Variants in VN1R2 observed in about 807,000 individuals in gnomAD.
The protein encoded by VN1R2 is vomeronasal 1 receptor 2.
For missense variants in VN1R2, 418 were observed against 452.4 expected (o/e 0.92, Z 0.69); for synonymous variants, 160 against 173.1 (o/e 0.92, Z 0.59).
In VN1R2 at chr19:53,259,218, C is replaced by G. The variant is rs767415221; in HGVS notation, c.843C>G (p.Ser281Arg). 6.2e-7 allele frequency: 1 copy of G among 1,614,162 alleles called. No homozygotes were observed. The highest frequency in any genetic ancestry group is 1.1e-5 in the South Asian group (1 of 91,078). ...VLCLGLMLWA[S>R]SSIVLVLYRH... The stretch of plus-strand genomic sequence containing the variant: ...GTCTGGGGCTCATGCTCTGGGCCAG[C>G]AGCTCCATCGTTTTGGTCTTGTACA... The change falls in exon 1 of 1, where the codon AGC (serine) becomes AGG (arginine). Residue 281 changes from serine (S) to arginine (R), a missense_variant. Ser to Arg is a moderately radical substitution (Grantham distance 110). Coordinates refer to ENST00000341702, the MANE Select transcript of VN1R2 (RefSeq NM_173856.2).
At position 53,259,489 on chromosome 19, in the gene VN1R2, C is replaced by T. The variant is rs771013200; in HGVS notation, c.1114C>T (p.Pro372Ser). 3 of 1,614,128 alleles carry T rather than the reference C, an allele frequency of 1.9e-6. No individual in the cohort carries two copies. Among genetic ancestry groups the T allele is most frequent in the Non-Finnish European group, 2.5e-6 (3 of 1,180,022 alleles). Reference sequence around the variant, plus strand: ...CCCTTTTGTTCTCATGTGCCGTGACCCCAGCAGATCCAGGCTCTGCAGTAT... The same window carrying T: ...CCCTTTTGTTCTCATGTGCCGTGACTCCAGCAGATCCAGGCTCTGCAGTAT... ...ISPFVLMCRD[P>S]SRSRLCSICC... Residue 372 changes from proline (P) to serine (S), a missense_variant, in exon 1 of 1, where the codon CCC becomes TCC. Pro to Ser is a moderately conservative substitution (Grantham distance 74). Transcript: ENST00000341702.
rs2091322650 is a variant in VN1R2 at position 53,258,540 on chromosome 19, C to T, written c.165C>T (p.Val55=). 1 of 1,541,178 alleles carries T rather than the reference C, an allele frequency of 6.5e-7. No homozygotes were observed. The highest frequency in any genetic ancestry group is 1.4e-5 in the African/African-American group (1 of 72,794). The change falls in exon 1 of 1, where the codon GTC becomes GTT. Residue 55 remains valine (V), a synonymous_variant. Transcript: ENST00000341702. ...TTGLRVLVVV[V]PQTQLSFLSS... ...GTCTCCGCGTCTTGGTGGTAGTGGT[C>T]CCCCAGACACAGCTGTCTTTTCTTT... is the stretch of plus-strand genomic sequence containing the variant.
At position 53,259,552 on chromosome 19, in the gene VN1R2, A is replaced by T; in HGVS notation, c.1177A>T (p.Arg393Trp). 6.2e-7 allele frequency: 1 copy of T among 1,609,338 alleles called. No homozygotes were observed. The highest frequency in any genetic ancestry group is 8.5e-7 in the Non-Finnish European group (1 of 1,177,114). Residue 393 changes from arginine (R) to tryptophan (W), a missense_variant, in exon 1 of 1, where the codon AGG becomes TGG. Arg to Trp is a moderately radical substitution (Grantham distance 101, BLOSUM62 -3). Coordinates refer to ENST00000341702, the MANE Select transcript of VN1R2 (RefSeq NM_173856.2). ...RRNRRFFHDF[R>W]KM ...AAATAGACGATTCTTTCATGATTTCAGGAAAATGTGAATTGGCTGTCTTGG... is the reference window on the plus strand; with the variant it reads ...AAATAGACGATTCTTTCATGATTTCTGGAAAATGTGAATTGGCTGTCTTGG...
In VN1R2 at chr19:53,259,564, AT is replaced by A. The variant is rs765227045; in HGVS notation, c.*3del. 3.2e-5 allele frequency: 52 copies of A among 1,606,582 alleles called. No homozygotes were observed. Among genetic ancestry groups the A allele is most frequent in the Non-Finnish European group, 4.1e-5 (48 of 1,175,724 alleles). ...CTTTCATGATTTCAGGAAAATGTGA[AT>A]TGGCTGTCTTGGTTTATGTTCGGCC... On this transcript the variant is annotated 3_prime_UTR_variant, in exon 1 of 1. Transcript: ENST00000341702.
Position 53,259,077 on chromosome 19 carries a change from A to C in VN1R2, c.702A>C (p.Lys234Asn), listed in dbSNP as rs917806192. The change falls in exon 1 of 1, where the codon AAA becomes AAC. Residue 234 changes from lysine to asparagine, a missense_variant. Coordinates refer to ENST00000341702, the MANE Select transcript of VN1R2 (RefSeq NM_173856.2). ...TTTTTCCTATTTATACAACTGGCAA[A>C]TGGAGCAACAACAACATCACAAAGA... ...NAIFPIYTTG[K>N]WSNNNITKKG... The C allele has an allele frequency of 1.2e-6, 2 of 1,614,230 alleles. No individual in the cohort carries two copies. Among genetic ancestry groups the C allele is most frequent in the Non-Finnish European group, 1.7e-6 (2 of 1,180,048 alleles).
chr19:53,259,250 A>G lies in VN1R2; in HGVS notation c.875A>G (p.Lys292Arg), dbSNP rs2091325540. ...ATCGTTTTGGTCTTGTACAGGCACA[A>G]ACAGCAGGTACAACACATCTGTAGG... ...SSIVLVLYRH[K>R]QQVQHICRNN... Residue 292 changes from lysine (K) to arginine (R), a missense_variant, in exon 1 of 1, where the codon AAA becomes AGA. By Grantham distance (26) the Lys-to-Arg change is conservative. Coordinates refer to ENST00000341702, the MANE Select transcript of VN1R2 (RefSeq NM_173856.2). The G allele has an allele frequency of 1.2e-6, 2 of 1,614,192 alleles. No homozygotes were observed. The highest frequency in any genetic ancestry group is 2.7e-5 in the African/African-American group (2 of 75,038).
In VN1R2 at chr19:53,258,583, T is replaced by A. The variant is rs1280000295; in HGVS notation, c.208T>A (p.Ser70Thr). Residue 70 changes from serine to threonine, a missense_variant, in exon 1 of 1, where the codon TCT becomes ACT. Transcript: ENST00000341702. ...TTTTCTTTCATCTCTTTGTCTTGTG[T>A]CTTTATTTCTACACTCTCTTGTCTC... ...LSFLSSLCLV[S>T]LFLHSLVSAH... 1 of 1,563,724 alleles carries A rather than the reference T, an allele frequency of 6.4e-7. No individual in the cohort carries two copies. Among genetic ancestry groups the A allele is most frequent in the African/African-American group, 1.4e-5 (1 of 73,120 alleles).
rs1489434120 is a variant in VN1R2 at position 53,259,377 on chromosome 19, C to T, written c.1002C>T (p.Thr334=). The T allele has an allele frequency of 2.5e-6, 4 of 1,614,216 alleles. No homozygotes were observed. The highest frequency in any genetic ancestry group is 1.3e-5 in the African/African-American group (1 of 75,046). ...TATGTTACGCCCTTTCCTTCATCAC[C>T]TACGTTTATTTAGCTCTCTTCGATA... The part of the protein sequence containing the change: ...FALCYALSFI[T]YVYLALFDNS... Residue 334 remains threonine, a synonymous_variant, in exon 1 of 1, where the codon ACC becomes ACT. Transcript: ENST00000341702.
In VN1R2 at chr19:53,259,228, G is replaced by A. The variant is rs752472839; in HGVS notation, c.853G>A (p.Val285Ile). 9.3e-6 allele frequency: 15 copies of A among 1,614,024 alleles called. No homozygotes were observed. Among genetic ancestry groups the A allele is most frequent in the African/African-American group, 8.0e-5 (6 of 74,894 alleles). ...GLMLWASSSIVLVLYRHKQQV... is the reference protein window; with the variant it reads ...GLMLWASSSIILVLYRHKQQV... ...CATGCTCTGGGCCAGCAGCTCCATCGTTTTGGTCTTGTACAGGCACAAACA... is the reference window on the plus strand; with the variant it reads ...CATGCTCTGGGCCAGCAGCTCCATCATTTTGGTCTTGTACAGGCACAAACA... Residue 285 changes from valine to isoleucine, a missense_variant, in exon 1 of 1, where the codon GTT (valine) becomes ATT (isoleucine). Physicochemically the swap from Val to Ile is conservative, Grantham distance 29. Coordinates refer to ENST00000341702, the MANE Select transcript of VN1R2 (RefSeq NM_173856.2).
rs1450505664 is a variant in VN1R2 at position 53,258,563 on chromosome 19, T to C, written c.188T>C (p.Leu63Pro). The change falls in exon 1 of 1, where the codon CTT becomes CCT. Residue 63 changes from leucine to proline, a missense_variant. Transcript: ENST00000341702. ...VVVPQTQLSF[L>P]SSLCLVSLFL... Reference sequence around the variant, plus strand: ...GTCCCCCAGACACAGCTGTCTTTTCTTTCATCTCTTTGTCTTGTGTCTTTA... The same window carrying C: ...GTCCCCCAGACACAGCTGTCTTTTCCTTCATCTCTTTGTCTTGTGTCTTTA... The C allele has an allele frequency of 1.3e-6, 2 of 1,552,444 alleles. No homozygotes were observed. The highest frequency in any genetic ancestry group is 2.7e-5 in the African/African-American group (2 of 72,760).
chr19:53,259,410 T>G lies in VN1R2; in HGVS notation c.1035T>G (p.Ser345Arg), dbSNP rs144300690. ...ATTTAGCTCTCTTCGATAATTCCAG[T>G]TGGTGGCTAGTGAACACTGCTGCAC... ...YVYLALFDNS[S>R]WWLVNTAALI... Residue 345 changes from serine to arginine, a missense_variant, in exon 1 of 1, where the codon AGT becomes AGG. Transcript: ENST00000341702. 15 of 1,614,140 alleles carry G rather than the reference T, an allele frequency of 9.3e-6. No homozygotes were observed. Among genetic ancestry groups the G allele is most frequent in the Non-Finnish European group, 1.2e-5 (14 of 1,180,060 alleles).
At chr19:53,258,803 GAA>G (rs747110323), upstream of VN1R2, 1 of 1,614,220 alleles carries the variant, frequency 6.2e-7, no homozygotes, top group East Asian at 2.2e-5. Context: ...CTATCTAAAA[GAA>G]TCCCAGAGAC....
rs766377381 is a variant in VN1R2, at chr19:53,259,195, C to T, written c.820C>T (p.Leu274=). 3 of 1,614,152 alleles carry T rather than the reference C, an allele frequency of 1.9e-6. No homozygotes were observed. The Admixed American group carries it at 5.0e-5, about 27-fold the overall frequency. The change falls in exon 1 of 1, where the codon CTG becomes TTG. Residue 274 remains leucine (L), a synonymous_variant. Transcript: ENST00000341702. Reference sequence around the variant, plus strand: ...GACATCCTTCCATGATGTTTTGTGTCTGGGGCTCATGCTCTGGGCCAGCAG... The same window carrying T: ...GACATCCTTCCATGATGTTTTGTGTTTGGGGCTCATGCTCTGGGCCAGCAG... ...ALTSFHDVLC[L]GLMLWASSSI...
In VN1R2 at chr19:53,259,477, A is replaced by G; in HGVS notation, c.1102A>G (p.Met368Val). The change falls in exon 1 of 1, where the codon ATG (methionine) becomes GTG (valine). Residue 368 changes from methionine (M) to valine (V), a missense_variant. Transcript: ENST00000341702. ...CFPTISPFVLMCRDPSRSRLC... is the reference protein window; with the variant it reads ...CFPTISPFVLVCRDPSRSRLC... ...TCCAACTATTAGCCCTTTTGTTCTC[A>G]TGTGCCGTGACCCCAGCAGATCCAG... is the stretch of plus-strand genomic sequence containing the variant. The G allele has an allele frequency of 6.2e-7, 1 of 1,614,120 alleles. No individual in the cohort carries two copies. The highest frequency in any genetic ancestry group is 8.5e-7 in the Non-Finnish European group (1 of 1,180,006).
chr19:53,258,539 TC>T (rs2091322658), upstream of VN1R2: 8 of 1,536,048 alleles, frequency 5.2e-6, no homozygotes, highest in South Asian at 1.2e-5. Flanking sequence ...GTGGTAGTGG[TC>T]CCCCAGACAC....
Position 53,258,913 on chromosome 19 carries a change from A to T in VN1R2, c.538A>T (p.Thr180Ser). ...RVGRGVSIGS[T>S]CLLSVFQVIT... ...AGGCAGGGGTGTGTCCATTGGAAGC[A>T]CCTGCCTCTTGAGTGTCTTCCAGGT... Residue 180 changes from threonine to serine, a missense_variant, in exon 1 of 1, where the codon ACC (threonine) becomes TCC (serine). Physicochemically the swap from Thr to Ser is moderately conservative, Grantham distance 58. Transcript: ENST00000341702. The T allele has an allele frequency of 6.2e-7, 1 of 1,614,104 alleles. No individual in the cohort carries two copies. Among genetic ancestry groups the T allele is most frequent in the South Asian group, 1.1e-5 (1 of 91,080 alleles).
Position 53,258,935 on chromosome 19 carries a change from A to C in VN1R2, c.560A>C (p.Gln187Pro). ...IGSTCLLSVFQVITINPRNSR... is the reference protein window; with the variant it reads ...IGSTCLLSVFPVITINPRNSR... ...AGCACCTGCCTCTTGAGTGTCTTCCAGGTGATCACCATCAACCCTAGGAAC... is the reference window on the plus strand; with the variant it reads ...AGCACCTGCCTCTTGAGTGTCTTCCCGGTGATCACCATCAACCCTAGGAAC... Residue 187 changes from glutamine (Q) to proline (P), a missense_variant, in exon 1 of 1, where the codon CAG becomes CCG. Transcript: ENST00000341702. 1 of 1,614,200 alleles carries C rather than the reference A, an allele frequency of 6.2e-7. No homozygotes were observed. Among genetic ancestry groups the C allele is most frequent in the Admixed American group, 1.7e-5 (1 of 60,020 alleles).
In VN1R2 at chr19:53,259,239, G is replaced by A. The variant is rs777242517; in HGVS notation, c.864G>A (p.Leu288=). 3 of 1,614,146 alleles carry A rather than the reference G, an allele frequency of 1.9e-6. No homozygotes were observed. In the South Asian group the frequency reaches 3.3e-5, roughly 18 times the overall value. The change falls in exon 1 of 1, where the codon TTG becomes TTA. Residue 288 remains leucine (L), a synonymous_variant. Coordinates refer to ENST00000341702, the MANE Select transcript of VN1R2 (RefSeq NM_173856.2). ...CCAGCAGCTCCATCGTTTTGGTCTT[G>A]TACAGGCACAAACAGCAGGTACAAC... ...LWASSSIVLV[L]YRHKQQVQHI... is the part of the protein sequence containing the mutation.
Position 53,258,528 on chromosome 19 carries a change from G to T in VN1R2, c.153G>T (p.Leu51Phe), listed in dbSNP as rs766050498. 2.7e-6 allele frequency: 4 copies of T among 1,503,826 alleles called. No homozygotes were observed. The highest frequency in any genetic ancestry group is 3.6e-6 in the Non-Finnish European group (4 of 1,104,828). The allele number at this position is 1,503,826 out of a possible 1,614,324, so 93.2% of individuals were successfully genotyped here. A position where few individuals can be genotyped will look rare whatever the true frequency, so the allele number is the denominator to read the frequency against. Residue 51 changes from leucine to phenylalanine, a missense_variant, in exon 1 of 1, where the codon TTG becomes TTT. Leu to Phe is a conservative substitution (Grantham distance 22, BLOSUM62 0). Coordinates refer to ENST00000341702, the MANE Select transcript of VN1R2 (RefSeq NM_173856.2). ...GGGCCACTACCGGTCTCCGCGTCTT[G>T]GTGGTAGTGGTCCCCCAGACACAGC... ...AFGATTGLRV[L>F]VVVVPQTQLS... is the part of the protein sequence containing the mutation.
Sources: gnomAD v4.1 joint callset for allele counts on GRCh38, gnomAD v4.1.1 for gene constraint, MANE v1.5 for transcripts, NCBI Gene and HGNC (gene_info 2026-07-23, HGNC 2026-07-21) for gene names.